SH2D3A: variants seen among roughly 807,000 people sequenced by gnomAD.
The protein encoded by SH2D3A is SH2 domain containing 3A.
A neutral mutation model predicts 50.6 loss-of-function variants in SH2D3A; 46 were observed. The observed-to-expected ratio is 0.91, with a 90% CI of 0.72 to 1.16. The LOEUF (loss-of-function observed/expected upper bound fraction) is 1.16. Among genes scored for constraint, SH2D3A ranks in the 50% most tolerant of loss-of-function variants. The pLI is 0.00. For synonymous variants in SH2D3A, 377 were observed against 348.4 expected, an observed-to-expected ratio of 1.08 and a Z score of -0.91; for missense variants, 783 against 786.2, an observed-to-expected ratio of 1.00 and a Z score of 0.05.
chr19:6,764,139 G>C (rs887247136), intron 1 of SH2D3A: 1 of 154,432 alleles, frequency 6.5e-6, no homozygotes, highest in African/African-American at 2.4e-5. Flanking sequence ...CGCCAGGCTG[G>C]TCTTGAACTC....
chr19:6,762,405 G>A (rs938310538), intron 2 of SH2D3A, among the ~76,000 whole-genome samples: 15 of 150,922 alleles, frequency 9.9e-5, no homozygotes, highest in African/African-American at 3.2e-4. Context: ...GGCTGGTCTC[G>A]AACTCCTGAC....
chr19:6,752,632 G>A lies in SH2D3A; in HGVS notation c.1692C>T (p.Val564=), dbSNP rs1192858749. 2.6e-6 allele frequency: 4 copies of A among 1,557,860 alleles called. No homozygotes were observed. Among genetic ancestry groups the A allele is most frequent in the Non-Finnish European group, 3.5e-6 (4 of 1,150,148 alleles). Residue 564 remains valine, a synonymous_variant, in exon 10 of 10, where the codon GTC becomes GTT. Coordinates refer to ENST00000245908, the MANE Select transcript of SH2D3A (RefSeq NM_005490.3). Reference sequence around the variant, plus strand: ...CCAGGCGCTGCGACAGGACGCCGAGGACGCGCTGGAACTTCTCAAAGCGTT... The same window carrying A: ...CCAGGCGCTGCGACAGGACGCCGAGAACGCGCTGGAACTTCTCAAAGCGTT... ...RAERFEKFQR[V]LGVLSQRLEP...
chr19:6,761,498 T>C (rs1303671321), intron 2 of SH2D3A, among the ~76,000 whole-genome samples: 1 of 152,238 alleles, frequency 6.6e-6, no homozygotes, highest in Non-Finnish European at 1.5e-5. Context: ...TAGCTGATGC[T>C]GACCAATGCA....
intron 2 of SH2D3A, 26 bp from the exon 3 acceptor site, chr19:6,761,013 G>A (rs1969987025): frequency 1.3e-6 from 2 of 1,560,758 alleles, no homozygotes; most frequent in Admixed American, 1.8e-5. Flanking sequence ...AGGGGGCAGG[G>A]GAATTAGGAA....
intron 3 of SH2D3A, among the ~76,000 whole-genome samples, chr19:6,760,107 G>A (rs561734524): frequency 6.6e-6 from 1 of 152,316 alleles, no homozygotes; most frequent in Admixed American, 6.5e-5. Flanking sequence ...AGGCGTGGTG[G>A]CTCATGCCTG....
At position 6,752,756 on chromosome 19, in the gene SH2D3A, G is replaced by A. The variant is rs768164493; in HGVS notation, c.1571-3C>T. On this transcript the variant is annotated splice_region_variant and splice_polypyrimidine_tract_variant and intron_variant, in intron 9 of 9. Coordinates refer to ENST00000245908, the MANE Select transcript of SH2D3A (RefSeq NM_005490.3). Reference sequence around the variant, plus strand: ...CAGCTCCGGGTTAGGCCGGAATCCTGGAAGCAAGGTCAGGTGGGCTGGGGG... The same window carrying A: ...CAGCTCCGGGTTAGGCCGGAATCCTAGAAGCAAGGTCAGGTGGGCTGGGGG... 48 of 1,529,912 alleles carry A rather than the reference G, an allele frequency of 3.1e-5. 1 individual carries two copies. The South Asian group carries it at 4.2e-4, about 13-fold the overall frequency. The allele number at this position is 1,529,912 out of a possible 1,614,324, so 94.8% of individuals were successfully genotyped here.
In SH2D3A at chr19:6,759,652, G is replaced by A. The variant is rs772477959; in HGVS notation, c.438C>T (p.Asn146=). 3.1e-6 allele frequency: 5 copies of A among 1,613,850 alleles called. No individual in the cohort carries two copies. The South Asian group carries it at 5.5e-5, about 18-fold the overall frequency. Residue 146 remains asparagine, a synonymous_variant, in exon 4 of 10, where the codon AAC becomes AAT. Transcript: ENST00000245908. The part of the protein sequence containing the change: ...IEPLRARKWS[N]SQPADLAHMG... ...TATGTGCCAAATCTGCAGGCTGACTGTTGCTCCACTTCCTTGCCCTGGGGG... is the reference window on the plus strand; with the variant it reads ...TATGTGCCAAATCTGCAGGCTGACTATTGCTCCACTTCCTTGCCCTGGGGG...
At chr19:6,758,994 C>T (rs1969854184) in intron 4 of SH2D3A, 1 of 152,296 alleles carries the variant, frequency 6.6e-6, no homozygotes, top group South Asian at 2.1e-4. Flanking sequence ...GAATAAAAGC[C>T]TGAGGGTTCG....
chr19:6,760,591 C>A, intron 3 of SH2D3A, 47 bp downstream of exon 3: 2 of 1,445,168 alleles, frequency 1.4e-6, no homozygotes, highest in Non-Finnish European at 1.8e-6. Flanking sequence ...GTTGGAAAAC[C>A]CTGCGAGTGT....
rs1258011625 is a variant in SH2D3A at position 6,752,457 on chromosome 19, G to A, written c.*136C>T. 24 of 748,354 alleles carry A rather than the reference G, an allele frequency of 3.2e-5. No homozygotes were observed. The highest frequency in any genetic ancestry group is 4.4e-5 in the Non-Finnish European group (23 of 522,020). 46.4% of individuals were successfully genotyped at this position (748,354 alleles called of 1,614,324 possible). A position where few individuals can be genotyped will look rare whatever the true frequency, so the allele number is the denominator to read the frequency against. ...CACCATGGTCCAGGTGACCCTGACTGCGGTCCCCACCTCTTCTGTGAGGCA... is the reference window on the plus strand; with the variant it reads ...CACCATGGTCCAGGTGACCCTGACTACGGTCCCCACCTCTTCTGTGAGGCA... On this transcript the variant is annotated 3_prime_UTR_variant, in exon 10 of 10. Coordinates refer to ENST00000245908, the MANE Select transcript of SH2D3A (RefSeq NM_005490.3).
At chr19:6,761,030 C>T in intron 2 of SH2D3A, 43 bp from the exon 3 acceptor site, 1 of 1,485,264 alleles carries the variant, frequency 6.7e-7, no homozygotes, top group South Asian at 1.3e-5. Context: ...GGAATGAGTC[C>T]AGGGCAGTGG....
In SH2D3A at chr19:6,754,274, T is replaced by G; in HGVS notation, c.1249A>C (p.Met417Leu). The G allele has an allele frequency of 1.3e-6, 2 of 1,593,650 alleles. No individual in the cohort carries two copies. The highest frequency in any genetic ancestry group is 1.7e-6 in the Non-Finnish European group (2 of 1,176,070). The change falls in exon 7 of 10, where the codon ATG becomes CTG. Residue 417 changes from methionine (M) to leucine (L), a missense_variant. Transcript: ENST00000245908. ...AGDLPGLAAVMGALLMPQVSR... is the reference protein window; with the variant it reads ...AGDLPGLAAVLGALLMPQVSR... ...ACCTGGGGCATGAGCAGGGCGCCCA[T>G]GACTGCAGCCAGCCCGGGCAGGTCC...
Position 6,752,695 on chromosome 19 carries a change from C to A in SH2D3A, c.1629G>T (p.Leu543=). The part of the protein sequence containing the change: ...EALTTGFVRR[L]LWGSRGAGAP... ...CTCCCGCGCCCCGGCTACCCCAGAG[C>A]AGCCTCCGCACGAAGCCGGTGGTCA... Residue 543 remains leucine (L), a synonymous_variant, in exon 10 of 10, where the codon CTG becomes CTT. Transcript: ENST00000245908. The A allele has an allele frequency of 6.4e-6, 10 of 1,552,738 alleles. No individual in the cohort carries two copies. The highest frequency in any genetic ancestry group is 8.7e-6 in the Non-Finnish European group (10 of 1,147,898).
At chr19:6,753,674 G>T in intron 8 of SH2D3A, 33 bp from the exon 9 acceptor site, 2 of 1,507,742 alleles carry the variant, frequency 1.3e-6, no homozygotes, top group Non-Finnish European at 8.9e-7. Context: ...CAGGGTTTGG[G>T]GCTGTAGATG....
intron 8 of SH2D3A, 81 bp downstream of exon 8, chr19:6,753,971 G>C (rs1346741926): frequency 6.9e-6 from 10 of 1,442,744 alleles, no homozygotes; most frequent in Non-Finnish European, 9.2e-6. Context: ...CAGATGCAGG[G>C]ACTGGGCATA....
chr19:6,752,765 G>A lies in SH2D3A; in HGVS notation c.1571-12C>T, dbSNP rs1969390703. ...GTTAGGCCGGAATCCTGGAAGCAAG[G>A]TCAGGTGGGCTGGGGGCGGGGCCCA... On this transcript the variant is annotated splice_polypyrimidine_tract_variant and intron_variant, in intron 9 of 9. Coordinates refer to ENST00000245908, the MANE Select transcript of SH2D3A (RefSeq NM_005490.3). 1 of 1,520,638 alleles carries A rather than the reference G, an allele frequency of 6.6e-7. No homozygotes were observed. Among genetic ancestry groups the A allele is most frequent in the South Asian group, 1.2e-5 (1 of 82,726 alleles). The allele number at this position is 1,520,638 out of a possible 1,614,324, so 94.2% of individuals were successfully genotyped here. A position where few individuals can be genotyped will look rare whatever the true frequency, so the allele number is the denominator to read the frequency against.
At chr19:6,764,804 C>T (rs1297063276) in intron 1 of SH2D3A, among the ~76,000 whole-genome samples, 1 of 151,220 alleles carries the variant, frequency 6.6e-6, no homozygotes, top group Non-Finnish European at 1.5e-5. Flanking sequence ...CTCCTGGGCT[C>T]AAGTGATTCT....
At position 6,760,598 on chromosome 19, in the gene SH2D3A, G is replaced by A. The variant is rs777352905; in HGVS notation, c.419+40C>T. 1.4e-5 allele frequency: 21 copies of A among 1,458,672 alleles called. No individual in the cohort carries two copies. In the East Asian group the frequency reaches 4.2e-4, roughly 29 times the overall value. The allele number at this position is 1,458,672 out of a possible 1,614,324, so 90.4% of individuals were successfully genotyped here. On this transcript the variant is annotated intron_variant, in intron 3 of 9. Coordinates refer to ENST00000245908, the MANE Select transcript of SH2D3A (RefSeq NM_005490.3). ...ACCATTGAGTTGGAAAACCCTGCGAGTGTTGGGTGTTCTCAAGGAGGCAGG... is the reference window on the plus strand; with the variant it reads ...ACCATTGAGTTGGAAAACCCTGCGAATGTTGGGTGTTCTCAAGGAGGCAGG...
At chr19:6,758,243 G>C (rs1158330433) in intron 4 of SH2D3A, 1 of 151,862 alleles carries the variant, frequency 6.6e-6, no homozygotes, top group Non-Finnish European at 1.5e-5. Context: ...GCCTCCCAAA[G>C]TGCTAGGATT....
Sources: allele counts gnomAD v4.1 joint callset (sites outside exome capture counted in the v4.1 genomes callset), GRCh38; gene constraint gnomAD v4.1.1; transcripts MANE v1.5; gene names NCBI Gene and HGNC (gene_info 2026-07-23, HGNC 2026-07-21).